Variants in PSPC1 observed in about 807,000 individuals in gnomAD.
PSPC1 encodes paraspeckle protein 1.
Under a neutral mutation model 51.6 loss-of-function variants are expected in PSPC1, and 14 were observed. That is an observed-to-expected ratio of 0.27 (90% CI 0.18 to 0.42). The LOEUF (loss-of-function observed/expected upper bound fraction) is 0.42, where lower values mean the gene tolerates loss of function less well. PSPC1 is among the 10% of genes least tolerant of loss of function. The pLI is 1.00. For synonymous variants in PSPC1, 193 were observed against 231.9 expected, an observed-to-expected ratio of 0.83 and a Z score of 1.53; for missense variants, 406 against 701.1, an observed-to-expected ratio of 0.58 and a Z score of 4.75.
intron 4 of PSPC1, among the ~76,000 whole-genome samples, chr13:19,742,372 G>C (rs1391659179): frequency 6.6e-6 from 1 of 152,106 alleles, no homozygotes; most frequent in Admixed American, 6.6e-5. Context: ...GGGAGGCCGA[G>C]GCAGGCGGAT....
intron 6 of PSPC1, among the ~76,000 whole-genome samples, chr13:19,710,890 T>C (rs1881315896): frequency 6.6e-6 from 1 of 152,038 alleles, no homozygotes; most frequent in African/African-American, 2.4e-5. Flanking sequence ...CTGGCTGCAG[T>C]GCAGTGGCGT....
At chr13:19,687,545 T>G (rs2137622634) in intron 6 of PSPC1, among the ~76,000 whole-genome samples, 1 of 152,364 alleles carries the variant, frequency 6.6e-6, no homozygotes, top group East Asian at 1.9e-4. Context: ...CTGAACCCAC[T>G]TTCTAGATGG....
At chr13:19,744,095 C>T (rs1593687012) in intron 4 of PSPC1, among the ~76,000 whole-genome samples, 1 of 152,042 alleles carries the variant, frequency 6.6e-6, no homozygotes, top group Admixed American at 6.6e-5. Flanking sequence ...GCAACAAGAG[C>T]GAAACTCCAT....
chr13:19,675,476 A>T (rs1043102772), intron 7 of PSPC1: 1 of 152,220 alleles, frequency 6.6e-6, no homozygotes, highest in East Asian at 1.9e-4. Flanking sequence ...TCTGGAGATC[A>T]TTTTTAACCA....
rs1883791877 is a variant in PSPC1 at position 19,729,581 on chromosome 13, A to T, written c.1158+658T>A. ...CTAAAATATTAAAGACAGGAAGAGA[A>T]AACCTATAGACTAAAAGAGGCTGGA... On this transcript the variant is annotated intron_variant, in intron 6 of 8. Coordinates refer to ENST00000338910, the MANE Select transcript of PSPC1 (RefSeq NM_001354909.2). 3.9e-5 allele frequency among the ~76,000 whole-genome samples: 6 copies of T among 152,090 alleles called. No homozygotes were observed. The South Asian group carries it at 1.2e-3, about 32-fold the overall frequency.
rs537811884 is a variant in PSPC1 at position 19,691,955 on chromosome 13, G to A, written c.1159-14132C>T. On this transcript the variant is annotated intron_variant and NMD_transcript_variant, in intron 6 of 7. Transcript: ENST00000471658. The stretch of plus-strand genomic sequence containing the variant: ...CCTACAAAAATATCTGGGAGACGGA[G>A]GAACCACCTTAGAGTTTAGTGAGCA... Among the ~76,000 whole-genome samples, 6 of 152,136 alleles carry A rather than the reference G, an allele frequency of 3.9e-5. No individual in the cohort carries two copies. The South Asian group carries it at 1.2e-3, about 32-fold the overall frequency.
At chr13:19,729,806 T>C (rs370232129) in intron 6 of PSPC1, among the ~76,000 whole-genome samples, 14 of 152,226 alleles carry the variant, frequency 9.2e-5, no homozygotes, top group African/African-American at 3.4e-4. Flanking sequence ...ATAACATAAA[T>C]TGGGAAATAA....
intron 1 of PSPC1, among the ~76,000 whole-genome samples, chr13:19,779,815 T>C (rs1169532569): frequency 2.8e-5 from 2 of 70,360 alleles, no homozygotes; most frequent in Non-Finnish European, 5.7e-5. Context: ...TACTGGGAAG[T>C]GAGGAGCCCC....
chr13:19,764,539 G>C (rs957439419), intron 2 of PSPC1, among the ~76,000 whole-genome samples: 9 of 151,956 alleles, frequency 5.9e-5, no homozygotes, highest in African/African-American at 9.7e-5. Flanking sequence ...GTGACTTAAG[G>C]GCTGGGCAAG....
At position 19,727,962 on chromosome 13, in the gene PSPC1, T is replaced by G. The variant is rs760539196; in HGVS notation, c.1158+2277A>C. ...TGTTATCCTAAATGAGTAAAAAATG[T>G]TGTTTAATTTATAGTTACAACAGTA... On this transcript the variant is annotated intron_variant, in intron 6 of 8. Coordinates refer to ENST00000338910, the MANE Select transcript of PSPC1 (RefSeq NM_001354909.2). Among the ~76,000 whole-genome samples, 154 of 152,332 alleles carry G rather than the reference T, an allele frequency of 1.0e-3. 1 individual carries two copies. Among genetic ancestry groups the G allele is most frequent in the Non-Finnish European group, 1.7e-3 (113 of 68,014 alleles).
intron 6 of PSPC1, among the ~76,000 whole-genome samples, chr13:19,721,646 T>G (rs1451129389): frequency 6.6e-6 from 1 of 152,214 alleles, no homozygotes; most frequent in African/African-American, 2.4e-5. Context: ...TCTGTATAAG[T>G]ACTCAGCACC....
downstream of PSPC1, among the ~76,000 whole-genome samples, chr13:19,699,941 C>T (rs893178962): frequency 3.3e-5 from 5 of 151,922 alleles, no homozygotes; most frequent in African/African-American, 1.2e-4. Flanking sequence ...TTAAATAATA[C>T]CTTACTCCCC....
intron 7 of PSPC1, among the ~76,000 whole-genome samples, chr13:19,676,037 C>G (rs1876593599): frequency 6.6e-6 from 1 of 152,094 alleles, no homozygotes; most frequent in Non-Finnish European, 1.5e-5. Context: ...ATTTTAAAAT[C>G]CTAAAGTTCC....
intron 6 of PSPC1, among the ~76,000 whole-genome samples, chr13:19,681,606 G>A (rs554014512): frequency 2.6e-5 from 4 of 152,314 alleles, no homozygotes; most frequent in African/African-American, 9.6e-5. Flanking sequence ...CTGTTGTGCT[G>A]AGCCACAGGG....
chr13:19,735,403 A>C (rs1324182688), intron 5 of PSPC1, among the ~76,000 whole-genome samples: 3 of 152,202 alleles, frequency 2.0e-5, no homozygotes, highest in Non-Finnish European at 4.4e-5. Flanking sequence ...AAACAAAGGA[A>C]TAACTACTAA....
intron 6 of PSPC1, among the ~76,000 whole-genome samples, chr13:19,687,668 T>TCCCCTATATTAAGTTAACTA: frequency 6.6e-6 from 1 of 151,748 alleles, no homozygotes; most frequent in East Asian, 1.9e-4. Flanking sequence ...TCCACATAAA[T>TCCCCTATATTAAGTTAACTA]CCCAGTCGTG....
chr13:19,705,977 G>T, intron 7 of PSPC1, 146 bp from the exon 8 acceptor site: 1 of 556,428 alleles, frequency 1.8e-6, no homozygotes, highest in Non-Finnish European at 2.9e-6. Flanking sequence ...TATCTACTCT[G>T]TAATAGGGTA....
At position 19,703,138 on chromosome 13, in the gene PSPC1, C is replaced by T; in HGVS notation, c.*37G>A. ...TAAAAGTATAAAGGCATACCACTGA[C>T]TTTTTTTTTTCTAGATAGCCAGGAA... is the stretch of plus-strand genomic sequence containing the variant. On this transcript the variant is annotated 3_prime_UTR_variant, in exon 9 of 9. Coordinates refer to ENST00000338910, the MANE Select transcript of PSPC1 (RefSeq NM_001354909.2). 6.6e-7 allele frequency: 1 copy of T among 1,513,088 alleles called. No individual in the cohort carries two copies. Among genetic ancestry groups the T allele is most frequent in the Non-Finnish European group, 9.0e-7 (1 of 1,105,054 alleles). The allele number at this position is 1,513,088 out of a possible 1,614,324, so 93.7% of individuals were successfully genotyped here. A position where few individuals can be genotyped will look rare whatever the true frequency, so the allele number is the denominator to read the frequency against.
chr13:19,686,207 T>A (rs1467572343), intron 6 of PSPC1, among the ~76,000 whole-genome samples: 4 of 152,258 alleles, frequency 2.6e-5, no homozygotes, highest in Admixed American at 6.5e-5. Context: ...GGAAAAAAAA[T>A]TCCCAACTAC....
Sources: allele counts gnomAD v4.1 joint callset (sites outside exome capture counted in the v4.1 genomes callset), GRCh38; gene constraint gnomAD v4.1.1; transcripts MANE v1.5; gene names NCBI Gene and HGNC (gene_info 2026-07-23, HGNC 2026-07-21).